The following CROT variants were observed in gnomAD, a reference collection of about 807,000 sequenced individuals.
The protein encoded by CROT is carnitine O-octanoyltransferase, also known as peroxisomal carnitine O-octanoyltransferase.
CROT carries 84 observed loss-of-function variants against 89.2 expected under a neutral mutation model. The ratio of observed to expected loss-of-function variants is 0.94; its 90% confidence interval spans 0.79 to 1.13. The LOEUF is 1.13. Among genes scored for constraint, CROT ranks in the 50% most tolerant of loss-of-function variants. The probability of loss-of-function intolerance (pLI) is 0.00; values close to 1 mark genes in which losing one functional copy is unlikely to be tolerated. For synonymous variants in CROT, 212 were observed against 239.5 expected (o/e 0.89, Z 1.06); for missense variants, 711 against 727.8 (o/e 0.98, Z 0.27).
chr7:87,359,834 C>T (rs1806216893), intron 4 of CROT: 1 of 980,036 alleles, frequency 1.0e-6, no homozygotes, highest in South Asian at 4.7e-5. Flanking sequence ...TATTGAAGGT[C>T]TCAATAATTT....
chr7:87,360,114 G>C, intron 4 of CROT: 1 of 943,632 alleles, frequency 1.1e-6, no homozygotes, highest in East Asian at 1.2e-4. Context: ...TAAAGGTAAA[G>C]AAGTTGTTGT....
At chr7:87,369,603 T>C in intron 7 of CROT, 119 bp downstream of exon 7, 1 of 392,636 alleles carries the variant, frequency 2.5e-6, no homozygotes, top group Non-Finnish European at 4.5e-6. Flanking sequence ...ATTTTATGCA[T>C]GCTTTTTTAA....
chr7:87,370,487 A>T (rs778524196), intron 7 of CROT, among the ~76,000 whole-genome samples: 6 of 152,128 alleles, frequency 3.9e-5, no homozygotes, highest in Non-Finnish European at 8.8e-5. Context: ...CCAGCCAAAT[A>T]AACAGTGTTT....
chr7:87,357,492 A>G (rs1584622690), intron 3 of CROT: 3 of 1,551,584 alleles, frequency 1.9e-6, no homozygotes, highest in East Asian at 4.9e-5. Flanking sequence ...ATCTCATCCT[A>G]ATGTCCCTTT....
At chr7:87,379,157 C>T (rs1388898567) in intron 10 of CROT, among the ~76,000 whole-genome samples, 1 of 152,184 alleles carries the variant, frequency 6.6e-6, no homozygotes, top group African/African-American at 2.4e-5. Context: ...CCCTTCATTT[C>T]CCTTTGACCT....
intron 10 of CROT, among the ~76,000 whole-genome samples, chr7:87,380,785 T>C (rs1806969980): frequency 6.6e-6 from 1 of 152,232 alleles, no homozygotes; most frequent in South Asian, 2.1e-4. Flanking sequence ...AGTTGGAAAC[T>C]GATGCTGTTT....
intron 3 of CROT, 71 bp from the exon 4 acceptor site, chr7:87,359,135 A>T (rs1194751882): frequency 2.0e-6 from 2 of 998,170 alleles, no homozygotes; most frequent in Non-Finnish European, 3.1e-6. Context: ...AGATTTGCAT[A>T]AGTTAGTAAT....
intron 13 of CROT, among the ~76,000 whole-genome samples, chr7:87,389,172 G>A (rs1202543670): frequency 1.3e-5 from 2 of 152,200 alleles, no homozygotes; most frequent in African/African-American, 4.8e-5. Flanking sequence ...TACACTGTTG[G>A]TGGGAGTGTA....
At chr7:87,391,378 C>T (rs937377527) in intron 13 of CROT, among the ~76,000 whole-genome samples, 3 of 152,164 alleles carry the variant, frequency 2.0e-5, no homozygotes, top group African/African-American at 7.2e-5. Context: ...TATGACCTGA[C>T]AGCAGCCACG....
intron 17 of CROT, among the ~76,000 whole-genome samples, chr7:87,396,323 G>A (rs1336263850): frequency 6.6e-6 from 1 of 152,144 alleles, no homozygotes; most frequent in Admixed American, 6.5e-5. Flanking sequence ...TTAACAGAAG[G>A]TGACTTGAAG....
At chr7:87,379,507 A>G (rs1401374937) in intron 10 of CROT, among the ~76,000 whole-genome samples, 1 of 152,178 alleles carries the variant, frequency 6.6e-6, no homozygotes, top group African/African-American at 2.4e-5. Flanking sequence ...CTTTTGCTAA[A>G]CTGATTTTTA....
chr7:87,390,080 T>C (rs1278764553), intron 13 of CROT, among the ~76,000 whole-genome samples: 2 of 152,218 alleles, frequency 1.3e-5, no homozygotes, highest in Non-Finnish European at 2.9e-5. Flanking sequence ...TTCTGAATTT[T>C]CCTGATTGTA....
chr7:87,377,599 T>C (rs1315036904), intron 10 of CROT, 149 bp downstream of exon 10: 1 of 572,620 alleles, frequency 1.7e-6, no homozygotes, highest in Non-Finnish European at 3.1e-6. Flanking sequence ...TGAATTCTCA[T>C]TGAAAGTATA....
At chr7:87,398,287 T>C (rs768455309) in intron 17 of CROT, 6 of 654,012 alleles carry the variant, frequency 9.2e-6, no homozygotes, top group Non-Finnish European at 1.7e-5. Flanking sequence ...ACTCTAGGGC[T>C]CTAGCTAATT....
chr7:87,382,426 A>G lies in CROT; in HGVS notation c.1184A>G (p.Gln395Arg), dbSNP rs1044669227. The G allele has an allele frequency of 5.0e-6, 8 of 1,613,226 alleles. No homozygotes were observed. The highest frequency in any genetic ancestry group is 6.8e-6 in the Non-Finnish European group (8 of 1,179,688). ...AQYLREASDL[Q>R]IAAYAFTSFG... ...TCTTCTTGTTAGGCATCTGATCTAC[A>G]GATTGCGGCTTATGCCTTTACATCT... The change falls in exon 13 of 18, where the codon CAG becomes CGG. Residue 395 changes from glutamine (Q) to arginine (R), a missense_variant. Gln to Arg is a conservative substitution (Grantham distance 43). Coordinates refer to ENST00000331536, the MANE Select transcript of CROT (RefSeq NM_021151.4).
rs928145405 is a variant in CROT, at chr7:87,364,861, G to T, written c.547+3009G>T. Among the ~76,000 whole-genome samples the T allele has an allele frequency of 4.6e-5, 7 of 152,260 alleles. No individual in the cohort carries two copies. The East Asian group carries it at 1.2e-3, about 25-fold the overall frequency. On this transcript the variant is annotated intron_variant, in intron 6 of 17. Coordinates refer to ENST00000331536, the MANE Select transcript of CROT (RefSeq NM_021151.4). ...TTGGCCAGTTTTGTTGTAGGAAGAT[G>T]AGGAGGTACTTTTTATTGCTTATGT...
At chr7:87,360,584 G>T (rs928439246) in intron 4 of CROT, among the ~76,000 whole-genome samples, 3 of 152,050 alleles carry the variant, frequency 2.0e-5, no homozygotes, top group Admixed American at 1.3e-4. Flanking sequence ...CAAGTGATCT[G>T]CCTGCCTCCG....
At chr7:87,381,785 G>A in intron 10 of CROT, 125 bp from the exon 11 acceptor site, 1 of 598,018 alleles carries the variant, frequency 1.7e-6, no homozygotes, top group Non-Finnish European at 2.9e-6. Context: ...TCCTCAAGAG[G>A]TGAGGCATTT....
intron 7 of CROT, 167 bp downstream of exon 7, chr7:87,369,651 T>A (rs1454546633): frequency 9.9e-6 from 3 of 303,572 alleles, no homozygotes; most frequent in African/African-American, 6.6e-5. Flanking sequence ...AAATTATTTT[T>A]AAATTTTACT....
Sources: gnomAD v4.1 joint callset for allele counts (sites outside exome capture counted in the v4.1 genomes callset) on GRCh38, gnomAD v4.1.1 for gene constraint, MANE v1.5 for transcripts, NCBI Gene and HGNC (gene_info 2026-07-23, HGNC 2026-07-21) for gene names.